Variants in TMEM132C observed in about 807,000 individuals in gnomAD.
TMEM132C encodes protein phosphatase 1, regulatory subunit 152.
In TMEM132C, 29 loss-of-function variants were observed where a neutral mutation model predicts 61.4. The observed-to-expected ratio is 0.47, with a 90% confidence interval of 0.35 to 0.64. TMEM132C has a LOEUF of 0.64. Among genes scored for constraint, TMEM132C ranks in the 30% least tolerant of loss-of-function variants. TMEM132C has a pLI of 0.00. For missense variants in TMEM132C, 1,408 were observed against 1,476.9 expected (o/e 0.95, Z 0.76); for synonymous variants, 656 against 633.1 (o/e 1.04, Z -0.54).
intron 1 of TMEM132C, among the ~76,000 whole-genome samples, chr12:128,387,616 C>G (rs1019354591): frequency 1.3e-5 from 2 of 152,054 alleles, no homozygotes; most frequent in African/African-American, 2.4e-5. Flanking sequence ...TCAAGACCAG[C>G]CTGGCTGACA....
chr12:128,323,945 C>T (rs917771296), intron 1 of TMEM132C, among the ~76,000 whole-genome samples: 2 of 152,188 alleles, frequency 1.3e-5, no homozygotes, highest in Non-Finnish European at 2.9e-5. Flanking sequence ...AGAAGACAGC[C>T]AGGCCTGTAA....
Position 128,361,609 on chromosome 12 carries a change from C to T in TMEM132C, c.86-53123C>T, listed in dbSNP as rs140081608. ...GGCAACATCTTGAACTGTTTTCAAG[C>T]GTTTGAGGCTCTACGAAAACTGAAA... On this transcript the variant is annotated intron_variant, in intron 1 of 8. Coordinates refer to ENST00000435159, the MANE Select transcript of TMEM132C (RefSeq NM_001136103.3). Among the ~76,000 whole-genome samples the T allele has an allele frequency of 3.0e-3, 451 of 152,038 alleles. 2 individuals are homozygous for T. The highest frequency in any genetic ancestry group is 0.01 in the African/African-American group (425 of 41,454).
At chr12:128,289,787 C>T (rs1592998878) in intron 1 of TMEM132C, among the ~76,000 whole-genome samples, 1 of 152,136 alleles carries the variant, frequency 6.6e-6, no homozygotes, top group East Asian at 1.9e-4. Flanking sequence ...TGAGCTTTGC[C>T]CTAAGCAATC....
intron 1 of TMEM132C, among the ~76,000 whole-genome samples, chr12:128,299,324 A>T (rs1350118655): frequency 1.3e-5 from 2 of 152,138 alleles, no homozygotes; most frequent in African/African-American, 4.8e-5. Flanking sequence ...ACCACAAGAA[A>T]CACCTGATCC....
intron 2 of TMEM132C, among the ~76,000 whole-genome samples, chr12:128,531,273 T>C (rs1873288885): frequency 8.6e-6 from 1 of 115,666 alleles, no homozygotes; most frequent in South Asian, 2.4e-4. Context: ...GAAGTTTTCA[T>C]TTGATAGGGA....
At chr12:128,584,295 A>C (rs1875458700) in intron 3 of TMEM132C, among the ~76,000 whole-genome samples, 1 of 152,196 alleles carries the variant, frequency 6.6e-6, no homozygotes, top group Non-Finnish European at 1.5e-5. Context: ...CTGGAGTTCT[A>C]TGCATGAAAG....
intron 5 of TMEM132C, among the ~76,000 whole-genome samples, chr12:128,674,970 G>A (rs527730396): frequency 1.2e-4 from 19 of 152,160 alleles, no homozygotes; most frequent in African/African-American, 2.9e-4. Context: ...TGCTTGGCCC[G>A]TGTAAGCACT....
At chr12:128,532,419 AC>A (rs1873346156) in intron 2 of TMEM132C, among the ~76,000 whole-genome samples, 2 of 151,860 alleles carry the variant, frequency 1.3e-5, no homozygotes, top group Admixed American at 6.6e-5. Context: ...CGGGTGGATC[AC>A]CTGAGGTCAG....
chr12:128,415,555 G>A lies in TMEM132C; in HGVS notation c.909G>A (p.Gln303=), dbSNP rs1344635433. ...VIWLPSRPVK[Q]GEVVTAYVTI... is the part of the protein sequence containing the mutation. ...GGCTGCCTTCCAGGCCAGTCAAGCA[G>A]GGAGAGGTGGTCACGGCCTATGTCA... The change falls in exon 2 of 9, where the codon CAG becomes CAA. Residue 303 remains glutamine (Q), a synonymous_variant. Coordinates refer to ENST00000435159, the MANE Select transcript of TMEM132C (RefSeq NM_001136103.3). This position sits in a 1 kb window ranked among gnomAD's most constrained non-coding sequence, Gnocchi z 5.8. 2 of 1,551,190 alleles carry A rather than the reference G, an allele frequency of 1.3e-6. No homozygotes were observed. Among genetic ancestry groups the A allele is most frequent in the South Asian group, 1.2e-5 (1 of 84,026 alleles).
chr12:128,705,713 G>A lies in TMEM132C; in HGVS notation c.2745G>A (p.Gln915=). The change falls in exon 9 of 9, where the codon CAG becomes CAA. Residue 915 remains glutamine (Q), a synonymous_variant. Transcript: ENST00000435159. Reference sequence around the variant, plus strand: ...GGCTGGAGGAAAACGACCTGGTGCAGACTCCGCGGGGCCTGAGTGATCTGG... The same window carrying A: ...GGCTGGAGGAAAACGACCTGGTGCAAACTCCGCGGGGCCTGAGTGATCTGG... ...GSGLEENDLV[Q]TPRGLSDLEI... is the part of the protein sequence containing the mutation. The A allele has an allele frequency of 6.4e-7, 1 of 1,551,468 alleles. No individual in the cohort carries two copies. Among genetic ancestry groups the A allele is most frequent in the Non-Finnish European group, 8.7e-7 (1 of 1,146,972 alleles).
At chr12:128,409,112 AG>A (rs1394457433) in intron 1 of TMEM132C, among the ~76,000 whole-genome samples, 12 of 152,274 alleles carry the variant, frequency 7.9e-5, no homozygotes, top group East Asian at 7.7e-4. Context: ...TTTCAAAGTT[AG>A]CAATTGCGGC....
intron 4 of TMEM132C, among the ~76,000 whole-genome samples, chr12:128,650,985 A>G (rs1309409406): frequency 1.3e-5 from 2 of 152,214 alleles, no homozygotes; most frequent in Non-Finnish European, 2.9e-5. Flanking sequence ...ACCACAGAGC[A>G]GCAGCATGGG....
intron 2 of TMEM132C, among the ~76,000 whole-genome samples, chr12:128,469,951 C>G (rs1593064777): frequency 6.6e-6 from 1 of 152,044 alleles, no homozygotes; most frequent in East Asian, 1.9e-4. Flanking sequence ...ACATTTATAT[C>G]TGAAATGCAG....
At chr12:128,647,892 G>C (rs1212716280) in intron 4 of TMEM132C, among the ~76,000 whole-genome samples, 1 of 147,808 alleles carries the variant, frequency 6.8e-6, no homozygotes, top group South Asian at 2.1e-4. Flanking sequence ...GTCCATTAGC[G>C]TTGGATGTGA....
At chr12:128,643,572 G>A (rs1306947926) in intron 4 of TMEM132C, among the ~76,000 whole-genome samples, 3 of 151,764 alleles carry the variant, frequency 2.0e-5, no homozygotes, top group Non-Finnish European at 2.9e-5. Flanking sequence ...CTCAGTATTC[G>A]GACACTGTAT....
chr12:128,380,369 C>T lies in TMEM132C; in HGVS notation c.86-34363C>T, dbSNP rs142321735. On this transcript the variant is annotated intron_variant, in intron 1 of 8. Transcript: ENST00000435159. ...GTGTAAATGCCAGTGCCTGCCCTTC[C>T]GCCTCCCATTTCCTGAATTACTTCT... Among the ~76,000 whole-genome samples, 86 of 152,308 alleles carry T rather than the reference C, an allele frequency of 5.6e-4. No individual in the cohort carries two copies. In the East Asian group the frequency reaches 0.015, roughly 26 times the overall value.
At chr12:128,383,978 A>C (rs1405458353) in intron 1 of TMEM132C, among the ~76,000 whole-genome samples, 1 of 152,196 alleles carries the variant, frequency 6.6e-6, no homozygotes, top group African/African-American at 2.4e-5. Flanking sequence ...GCTAATGCCA[A>C]AGGGTGCGTT....
At chr12:128,347,405 C>A (rs1304361888) in intron 1 of TMEM132C, among the ~76,000 whole-genome samples, 2 of 123,050 alleles carry the variant, frequency 1.6e-5, no homozygotes, top group East Asian at 4.4e-4. Context: ...ATGTCTCTCT[C>A]TCTCTCTCTC....
At chr12:128,498,827 C>T (rs1872058940) in intron 2 of TMEM132C, among the ~76,000 whole-genome samples, 2 of 151,832 alleles carry the variant, frequency 1.3e-5, no homozygotes, top group Admixed American at 6.6e-5. Context: ...AAACGGAAGA[C>T]TTGTACCCTG....
Sources: gnomAD v4.1 joint callset for allele counts (sites outside exome capture counted in the v4.1 genomes callset) on GRCh38, gnomAD v4.1.1 for gene constraint, Gnocchi (gnomAD v3.1) non-coding constraint, MANE v1.5 for transcripts, NCBI Gene and HGNC (gene_info 2026-07-23, HGNC 2026-07-21) for gene names.